SCAPER: variants seen among roughly 807,000 people sequenced by gnomAD.
The protein encoded by SCAPER is S-phase cyclin A associated protein in the ER.
In SCAPER, 98 loss-of-function variants were observed where a neutral mutation model predicts 182.2. The ratio of observed to expected loss-of-function variants is 0.54; its 90% CI spans 0.46 to 0.64. The LOEUF is 0.64. Ranked by LOEUF, SCAPER falls within the 30% of genes least tolerant of loss-of-function variation. The pLI is 0.00. For synonymous variants in SCAPER, 605 were observed against 564.6 expected, an observed-to-expected ratio of 1.07 and a Z score of -1.01; for missense variants, 1,432 against 1,690.0, an observed-to-expected ratio of 0.85 and a Z score of 2.68.
At chr15:76,429,461 T>G (rs1014671797) in intron 26 of SCAPER, among the ~76,000 whole-genome samples, 5 of 152,150 alleles carry the variant, frequency 3.3e-5, no homozygotes, top group Admixed American at 6.5e-5. Context: ...CCAAAAATGC[T>G]GATAATGGTA....
chr15:76,386,680 G>GT (rs1487418600), intron 27 of SCAPER, among the ~76,000 whole-genome samples: 1 of 152,148 alleles, frequency 6.6e-6, no homozygotes, highest in Non-Finnish European at 1.5e-5. Flanking sequence ...GGGGAAGGGT[G>GT]TTTCAGGTAA....
At chr15:76,830,494 G>C (rs1441365285) in intron 5 of SCAPER, among the ~76,000 whole-genome samples, 1 of 152,092 alleles carries the variant, frequency 6.6e-6, no homozygotes, top group African/African-American at 2.4e-5. Flanking sequence ...TAGCAGTAGA[G>C]TGAGAGATGT....
intron 14 of SCAPER, among the ~76,000 whole-genome samples, chr15:76,754,691 T>A (rs1029254461): frequency 5.7e-5 from 2 of 35,120 alleles, no homozygotes; most frequent in Non-Finnish European, 1.2e-4. Flanking sequence ...GGAAAAAACC[T>A]AACATTTTAA....
intron 23 of SCAPER, among the ~76,000 whole-genome samples, chr15:76,508,268 T>C (rs2041758228): frequency 6.6e-6 from 1 of 152,196 alleles, no homozygotes; most frequent in Admixed American, 6.6e-5. Flanking sequence ...CTTTGCTGTA[T>C]ATTTTCTGGA....
chr15:76,608,535 C>T (rs1283693364), intron 22 of SCAPER, among the ~76,000 whole-genome samples: 2 of 152,302 alleles, frequency 1.3e-5, no homozygotes, highest in South Asian at 4.1e-4. Flanking sequence ...CCACTACTCT[C>T]TTTAAAGCTG....
In SCAPER at chr15:76,471,221, G is replaced by A. The variant is rs750941957; in HGVS notation, c.3069C>T (p.His1023=). The A allele has an allele frequency of 6.2e-7, 1 of 1,607,674 alleles. No homozygotes were observed. The highest frequency in any genetic ancestry group is 8.5e-7 in the Non-Finnish European group (1 of 1,177,438). The part of the protein sequence containing the change: ...KITFLMDLLI[H]QLTVYVPDEN... ...CAATAATATTACATACCGTCAACTG[G>A]TGTATCAGGAGGTCCATTAAGAAGG... The change falls in exon 25 of 32, where the codon CAC becomes CAT. Residue 1023 remains histidine (H), a synonymous_variant. Coordinates refer to ENST00000563290, the MANE Select transcript of SCAPER (RefSeq NM_020843.4).
chr15:76,708,525 T>C (rs893314028), intron 17 of SCAPER, among the ~76,000 whole-genome samples: 1 of 151,152 alleles, frequency 6.6e-6, no homozygotes, highest in Admixed American at 6.6e-5. Context: ...AATGTAAAAA[T>C]AGTTTCAAAT....
At chr15:76,603,837 A>G (rs1183009132) in intron 22 of SCAPER, among the ~76,000 whole-genome samples, 1 of 121,602 alleles carries the variant, frequency 8.2e-6, no homozygotes, top group South Asian at 2.5e-4. Context: ...TTCTTTTGAG[A>G]AGTATCTGTT....
chr15:76,488,710 C>T (rs437131), intron 24 of SCAPER, among the ~76,000 whole-genome samples: 78,757 of 112,524 alleles, frequency 0.7, 24,638 homozygotes, highest in Middle Eastern at 0.78. Context: ...TAACAGTACA[C>T]TGCCTTTTTT....
chr15:76,474,741 A>G (rs1362444834), intron 24 of SCAPER, among the ~76,000 whole-genome samples: 4 of 152,220 alleles, frequency 2.6e-5, no homozygotes, highest in Admixed American at 1.3e-4. Flanking sequence ...TTCTTAATGA[A>G]TAAGGTATAA....
chr15:76,628,759 T>C (rs2052822608), intron 21 of SCAPER, among the ~76,000 whole-genome samples: 1 of 152,338 alleles, frequency 6.6e-6, no homozygotes, highest in East Asian at 1.9e-4. Flanking sequence ...ATACAAGCTC[T>C]TTTTTGGATC....
rs1567197100 is a variant in SCAPER, at chr15:76,466,413, GTTC to G, written c.3078+4796_3078+4798del. On this transcript the variant is annotated intron_variant, in intron 25 of 31. Transcript: ENST00000563290. ...TATTCTTCAGTTCCAAAATTGGTTG[GTTC>G]TTCTTTTTTTTTTTTTTTTTTTTTT... Among the ~76,000 whole-genome samples the G allele has an allele frequency of 1.7e-3, 85 of 48,622 alleles. 2 individuals carry two copies. Among genetic ancestry groups the G allele is most frequent in the African/African-American group, 2.6e-3 (49 of 18,546 alleles). The allele number at this position is 48,622 out of a possible 152,430, so 31.9% of individuals were successfully genotyped here. A position where few individuals can be genotyped will look rare whatever the true frequency, so the allele number is the denominator to read the frequency against.
chr15:76,550,610 T>C (rs1773185816), intron 23 of SCAPER, among the ~76,000 whole-genome samples: 1 of 152,146 alleles, frequency 6.6e-6, no homozygotes, highest in African/African-American at 2.4e-5. Context: ...GGCATTTGGG[T>C]TGATTCCGTA....
At chr15:76,824,956 G>A (rs1452646213) in intron 5 of SCAPER, among the ~76,000 whole-genome samples, 1 of 152,088 alleles carries the variant, frequency 6.6e-6, no homozygotes, top group African/African-American at 2.4e-5. Flanking sequence ...TCACTTGCAA[G>A]TTGGCTTGAC....
intron 3 of SCAPER, among the ~76,000 whole-genome samples, chr15:76,859,093 G>GTGT (rs2071654977): frequency 6.6e-6 from 1 of 152,224 alleles, no homozygotes; most frequent in African/African-American, 2.4e-5. Flanking sequence ...CTCACCAGCA[G>GTGT]TGTGTAAGTG....
At chr15:76,492,378 A>G (rs1409783266) in intron 24 of SCAPER, among the ~76,000 whole-genome samples, 1 of 152,232 alleles carries the variant, frequency 6.6e-6, no homozygotes, top group Non-Finnish European at 1.5e-5. Context: ...TTAAATTATA[A>G]TTGCTATTTA....
intron 23 of SCAPER, among the ~76,000 whole-genome samples, chr15:76,523,171 A>C (rs1260942953): frequency 1.3e-5 from 2 of 152,112 alleles, no homozygotes; most frequent in African/African-American, 4.8e-5. Flanking sequence ...AAATTAGAAG[A>C]CAATTTTATA....
intron 5 of SCAPER, among the ~76,000 whole-genome samples, chr15:76,815,147 T>C (rs2066962815): frequency 6.6e-6 from 1 of 152,208 alleles, no homozygotes; most frequent in Non-Finnish European, 1.5e-5. Flanking sequence ...AAAACCCTTG[T>C]ACACTATTTG....
rs529029935 is a variant in SCAPER, at chr15:76,559,938, G to A, written c.2838+14220C>T. On this transcript the variant is annotated intron_variant, in intron 23 of 31. Coordinates refer to ENST00000563290, the MANE Select transcript of SCAPER (RefSeq NM_020843.4). ...TATATGTGTGTGTGTGTGTGTATGT[G>A]TGTGTGTATGGGTATGCATATGTTT... Among the ~76,000 whole-genome samples, 3 of 152,344 alleles carry A rather than the reference G, an allele frequency of 2.0e-5. No individual in the cohort carries two copies. The South Asian group carries it at 6.2e-4, about 32-fold the overall frequency.
Sources: gnomAD v4.1 joint callset for allele counts (sites outside exome capture counted in the v4.1 genomes callset) on GRCh38, gnomAD v4.1.1 for gene constraint, MANE v1.5 for transcripts, NCBI Gene and HGNC (gene_info 2026-07-23, HGNC 2026-07-21) for gene names.